PARD3: variants seen among roughly 807,000 people sequenced by gnomAD.
PARD3 encodes partitioning defective 3 homolog.
PARD3 carries 75 observed loss-of-function variants against 155.4 expected under a neutral mutation model. The ratio of observed to expected loss-of-function variants is 0.48; its 90% CI spans 0.40 to 0.58. PARD3 has a LOEUF of 0.58. Ranked by LOEUF, PARD3 falls within the 20% of genes least tolerant of loss-of-function variation. The probability of loss-of-function intolerance (pLI) is 0.00; values close to 1 mark genes in which losing one functional copy is unlikely to be tolerated. For synonymous variants in PARD3, 576 were observed against 610.5 expected, an observed-to-expected ratio of 0.94 and a Z score of 0.83; for missense variants, 1,642 against 1,721.7, an observed-to-expected ratio of 0.95 and a Z score of 0.82.
At chr10:34,631,888 T>C (rs541071723) in intron 2 of PARD3, among the ~76,000 whole-genome samples, 20 of 152,334 alleles carry the variant, frequency 1.3e-4, no homozygotes, top group Middle Eastern at 3.4e-3. Context: ...GTGAGCACCA[T>C]GTCCAGCCGC....
chr10:34,369,108 G>T (rs940928288), intron 12 of PARD3, among the ~76,000 whole-genome samples: 21 of 151,682 alleles, frequency 1.4e-4, no homozygotes, highest in Non-Finnish European at 2.9e-5. Flanking sequence ...CTGAGTTTAT[G>T]GCTGGCTCCA....
At chr10:34,119,799 C>T in intron 23 of PARD3, 59 bp from the exon 24 acceptor site, 1 of 1,423,386 alleles carries the variant, frequency 7.0e-7, no homozygotes, top group Non-Finnish European at 9.4e-7. Context: ...GATCACACAA[C>T]TGGTTGACTC....
chr10:34,625,495 G>A (rs1339020077), intron 2 of PARD3, among the ~76,000 whole-genome samples: 1 of 152,250 alleles, frequency 6.6e-6, no homozygotes, highest in Non-Finnish European at 1.5e-5. Flanking sequence ...TTTAGTCCAT[G>A]CACTCAAGTT....
chr10:34,658,952 A>G (rs1037102208), intron 2 of PARD3, among the ~76,000 whole-genome samples: 2 of 152,260 alleles, frequency 1.3e-5, no homozygotes, highest in African/African-American at 4.8e-5. Context: ...ATGTCACAGA[A>G]GACATGCTAA....
chr10:34,528,237 T>C (rs975081636), intron 2 of PARD3, among the ~76,000 whole-genome samples: 1 of 152,232 alleles, frequency 6.6e-6, no homozygotes, highest in Non-Finnish European at 1.5e-5. Flanking sequence ...TCTAATGGAC[T>C]TAGTCAAGCA....
chr10:34,228,273 G>C (rs1952731272), intron 22 of PARD3, among the ~76,000 whole-genome samples: 2 of 151,862 alleles, frequency 1.3e-5, no homozygotes. Context: ...AGGAGGGTAA[G>C]GACTGAAAAA....
intron 2 of PARD3, among the ~76,000 whole-genome samples, chr10:34,662,609 G>A (rs1238082764): frequency 2.6e-5 from 4 of 152,078 alleles, no homozygotes; most frequent in East Asian, 1.9e-4. Flanking sequence ...GCGATGGCTC[G>A]CACCTGTAAT....
At position 34,811,091 on chromosome 10, in the gene PARD3, C is replaced by A. The variant is rs1844101633; in HGVS notation, c.120+3785G>T. ...CCCTCACTTTTGCCCTTCACTCTCT[C>A]CTTCCCCTTTTGGTCACTCAGCAAC... On this transcript the variant is annotated intron_variant, in intron 1 of 24. Transcript: ENST00000374788. 2.0e-5 allele frequency among the ~76,000 whole-genome samples: 3 copies of A among 152,148 alleles called. No individual in the cohort carries two copies. The South Asian group carries it at 6.2e-4, about 31-fold the overall frequency.
chr10:34,114,623 G>A (rs1279607907), intron 24 of PARD3, among the ~76,000 whole-genome samples: 1 of 152,170 alleles, frequency 6.6e-6, no homozygotes, highest in African/African-American at 2.4e-5. Context: ...GGGATTACAG[G>A]CATGAGCCAC....
intron 3 of PARD3, among the ~76,000 whole-genome samples, chr10:34,486,775 G>A (rs1484596388): frequency 6.6e-6 from 1 of 152,004 alleles, no homozygotes; most frequent in Non-Finnish European, 1.5e-5. Flanking sequence ...TGGTCTGAGT[G>A]ACCATTACCC....
chr10:34,284,547 T>C (rs1017111750), intron 20 of PARD3, among the ~76,000 whole-genome samples: 2 of 152,208 alleles, frequency 1.3e-5, no homozygotes, highest in African/African-American at 4.8e-5. Flanking sequence ...AATTAATACA[T>C]CTGTAGGACT....
intron 14 of PARD3, among the ~76,000 whole-genome samples, chr10:34,354,080 G>A (rs1838504324): frequency 6.6e-6 from 1 of 151,560 alleles, no homozygotes; most frequent in Non-Finnish European, 1.5e-5. Flanking sequence ...CCTTGTCTGA[G>A]GGTGACTCTG....
At chr10:34,799,854 G>C (rs902420913) in intron 1 of PARD3, among the ~76,000 whole-genome samples, 1 of 151,596 alleles carries the variant, frequency 6.6e-6, no homozygotes, top group Admixed American at 6.6e-5. Context: ...TTAGCCAAGT[G>C]TGGTGGCGCA....
intron 23 of PARD3, among the ~76,000 whole-genome samples, chr10:34,123,416 AT>A (rs1198975946): frequency 2.0e-5 from 3 of 152,204 alleles, no homozygotes; most frequent in East Asian, 3.8e-4. Context: ...ATATAAAAAA[AT>A]ATTTTCCACA....
chr10:34,342,135 T>C (rs891508532), intron 15 of PARD3, among the ~76,000 whole-genome samples: 3 of 152,238 alleles, frequency 2.0e-5, no homozygotes, highest in African/African-American at 7.2e-5. Context: ...CATTCTAAAC[T>C]GTGAATGTCC....
chr10:34,763,688 C>T (rs1591003158), intron 1 of PARD3, among the ~76,000 whole-genome samples: 1 of 152,104 alleles, frequency 6.6e-6, no homozygotes, highest in African/African-American at 2.4e-5. Flanking sequence ...AAACTAGACA[C>T]CTGCAGCTGT....
At chr10:34,399,806 A>C (rs1397908162) in intron 6 of PARD3, among the ~76,000 whole-genome samples, 3 of 152,242 alleles carry the variant, frequency 2.0e-5, no homozygotes, top group Non-Finnish European at 4.4e-5. Flanking sequence ...AAGGACTCTA[A>C]AGATTAACTG....
intron 3 of PARD3, among the ~76,000 whole-genome samples, chr10:34,472,902 T>G (rs2133101796): frequency 6.6e-6 from 1 of 152,332 alleles, no homozygotes; most frequent in African/African-American, 2.4e-5. Flanking sequence ...TAAGACCATC[T>G]TCTTAAGATT....
chr10:34,582,897 G>A (rs2087626712), intron 2 of PARD3, among the ~76,000 whole-genome samples: 1 of 152,184 alleles, frequency 6.6e-6, no homozygotes, highest in Admixed American at 6.5e-5. Context: ...TCTGCTGCCT[G>A]GAATATCAGC....
Sources: allele counts gnomAD v4.1 joint callset (sites outside exome capture counted in the v4.1 genomes callset), GRCh38; gene constraint gnomAD v4.1.1; transcripts MANE v1.5; gene names NCBI Gene and HGNC (gene_info 2026-07-23, HGNC 2026-07-21).